PCDHGA5: variants seen among roughly 807,000 people sequenced by gnomAD.
PCDHGA5 encodes the protein protocadherin gamma-A5.
In PCDHGA5, 36 loss-of-function variants were observed where a neutral mutation model predicts 56.7. The ratio of observed to expected loss-of-function variants is 0.64; its 90% CI spans 0.49 to 0.84. The LOEUF (loss-of-function observed/expected upper bound fraction) is 0.84, where lower values mean the gene tolerates loss of function less well. Ranked by LOEUF, PCDHGA5 falls within the 40% of genes least tolerant of loss-of-function variation. The pLI is 0.00. For synonymous variants in PCDHGA5, 563 were observed against 520.2 expected (o/e 1.08, Z -1.12); for missense variants, 1,305 against 1,201.5 (o/e 1.09, Z -1.27).
chr5:141,390,025 G>T lies in PCDHGA5; in HGVS notation c.2421+23274G>T, dbSNP rs762363185. On this transcript the variant is annotated intron_variant, in intron 1 of 3. Coordinates refer to ENST00000518069, the MANE Select transcript of PCDHGA5 (RefSeq NM_018918.3). ...ATTCTGGCCATTGCCTTGCGCCTGC[G>T]ACGCTCCTCCAGCCCCGCCTCCTGG... The T allele has an allele frequency of 3.0e-5, 48 of 1,613,882 alleles. No individual in the cohort carries two copies. The East Asian group carries it at 1.1e-3, about 36-fold the overall frequency.
chr5:141,365,152 C>T lies in PCDHGA5; in HGVS notation c.822C>T (p.Asn274=), dbSNP rs747695499. Residue 274 remains asparagine, a synonymous_variant, in exon 1 of 4, where the codon AAC becomes AAT. Coordinates refer to ENST00000518069, the MANE Select transcript of PCDHGA5 (RefSeq NM_018918.3). ...CCACGGATCCAGATGAGGGAATAAA[C>T]GGGAAATTGACCTACTCTTTTCGCA... ...LTATDPDEGI[N]GKLTYSFRNE... 2 of 1,613,880 alleles carry T rather than the reference C, an allele frequency of 1.2e-6. No homozygotes were observed. The highest frequency in any genetic ancestry group is 1.7e-6 in the Non-Finnish European group (2 of 1,179,870).
chr5:141,366,198 C>G lies in PCDHGA5; in HGVS notation c.1868C>G (p.Thr623Arg), dbSNP rs187196267. The G allele has an allele frequency of 6.2e-7, 1 of 1,613,774 alleles. No homozygotes were observed. The highest frequency in any genetic ancestry group is 8.5e-7 in the Non-Finnish European group (1 of 1,180,052). The change falls in exon 1 of 4, where the codon ACG becomes AGG. Residue 623 changes from threonine (T) to arginine (R), a missense_variant. Transcript: ENST00000518069. ...GGACTCTTTGCGGTTGGGCTGCACACGGGCGAGGTGCGCACAGCGCGAGCC... is the reference window on the plus strand; with the variant it reads ...GGACTCTTTGCGGTTGGGCTGCACAGGGGCGAGGTGCGCACAGCGCGAGCC... Reference protein sequence around the residue: ...EPGLFAVGLHTGEVRTARALL... With the variant: ...EPGLFAVGLHRGEVRTARALL...
Position 141,364,519 on chromosome 5 carries a change from A to G in PCDHGA5, c.189A>G (p.Gly63=). The change falls in exon 1 of 4, where the codon GGA becomes GGG. Residue 63 remains glycine, a synonymous_variant. Coordinates refer to ENST00000518069, the MANE Select transcript of PCDHGA5 (RefSeq NM_018918.3). Reference sequence around the variant, plus strand: ...AGCCCCAGGAGCTGGCGGAGCGCGGAGTCCGCATCGTCTCCAGAGGTAGGA... The same window carrying G: ...AGCCCCAGGAGCTGGCGGAGCGCGGGGTCCGCATCGTCTCCAGAGGTAGGA... ...GLEPQELAER[G]VRIVSRGRTQ... 6.2e-7 allele frequency: 1 copy of G among 1,614,016 alleles called. No individual in the cohort carries two copies. Among genetic ancestry groups the G allele is most frequent in the Non-Finnish European group, 8.5e-7 (1 of 1,179,898 alleles).
chr5:141,447,078 G>A (rs531206989), intron 1 of PCDHGA5, among the ~76,000 whole-genome samples: 5 of 152,018 alleles, frequency 3.3e-5, no homozygotes, highest in Non-Finnish European at 7.4e-5. Context: ...TTTAATTTTT[G>A]TTGTTTAATT....
intron 1 of PCDHGA5, chr5:141,372,478 C>A: frequency 6.2e-7 from 1 of 1,614,070 alleles, no homozygotes. Context: ...CTAGTAGTGG[C>A]GTTGGCCTTG....
intron 1 of PCDHGA5, chr5:141,419,383 C>A (rs1354675466): frequency 6.2e-7 from 1 of 1,613,698 alleles, no homozygotes; most frequent in South Asian, 1.1e-5. Context: ...TGTCCGTGAG[C>A]GCGCAGAGCG....
At chr5:141,408,936 A>T in intron 1 of PCDHGA5, 4 of 1,613,548 alleles carry the variant, frequency 2.5e-6, no homozygotes, top group Non-Finnish European at 1.7e-6. Flanking sequence ...TTCAGCAGAG[A>T]CGAATATAGA....
At chr5:141,433,869 T>C (rs1293077938) in intron 1 of PCDHGA5, among the ~76,000 whole-genome samples, 8 of 151,960 alleles carry the variant, frequency 5.3e-5, no homozygotes, top group Non-Finnish European at 7.4e-5. Flanking sequence ...TATCCTCTAG[T>C]TTCATCCATT....
chr5:141,364,279 G>A lies in PCDHGA5; in HGVS notation c.-52G>A. On this transcript the variant is annotated 5_prime_UTR_variant, in exon 1 of 4. Coordinates refer to ENST00000518069, the MANE Select transcript of PCDHGA5 (RefSeq NM_018918.3). ...GTACCCATCGGCTTTAGATAAATAA[G>A]GAAACAGCAGGCTGAACCAGAACTA... The A allele has an allele frequency of 1.3e-6, 2 of 1,515,964 alleles. No individual in the cohort carries two copies. Among genetic ancestry groups the A allele is most frequent in the Non-Finnish European group, 1.8e-6 (2 of 1,134,524 alleles). 93.9% of individuals were successfully genotyped at this position (1,515,964 alleles called of 1,614,324 possible). A position where few individuals can be genotyped will look rare whatever the true frequency, so the allele number is the denominator to read the frequency against.
intron 1 of PCDHGA5, chr5:141,419,148 C>A: frequency 6.2e-7 from 1 of 1,613,940 alleles, no homozygotes; most frequent in Admixed American, 1.7e-5. Flanking sequence ...AGGGGCAAGC[C>A]TCCGTTATCC....
rs1280525764 is a variant in PCDHGA5 at position 141,367,851 on chromosome 5, GT to G, written c.2421+1103del. Reference sequence around the variant, plus strand: ...AATCAATACCTACTGCAATGTTAGCGTTTCTTTAAGTGTAGGTGCAATTCTT... The same window carrying G: ...AATCAATACCTACTGCAATGTTAGCGTTCTTTAAGTGTAGGTGCAATTCTT... On this transcript the variant is annotated intron_variant, in intron 1 of 3. Transcript: ENST00000518069. 2.6e-5 allele frequency: 4 copies of G among 151,844 alleles called. No homozygotes were observed. The East Asian group carries it at 5.8e-4, about 22-fold the overall frequency. The allele number at this position is 151,844 out of a possible 1,614,324, so 9.4% of individuals were successfully genotyped here.
At chr5:141,395,110 G>A (rs2150602560) in intron 1 of PCDHGA5, 1 of 1,614,214 alleles carries the variant, frequency 6.2e-7, no homozygotes, top group Admixed American at 1.7e-5. Context: ...TCGCGGAAGA[G>A]TCACCTGATC....
intron 1 of PCDHGA5, chr5:141,372,038 G>C: frequency 1.2e-6 from 2 of 1,613,506 alleles, no homozygotes; most frequent in South Asian, 1.1e-5. Context: ...ACGTGAGCCT[G>C]CGCGTGTTGG....
chr5:141,372,406 T>C, intron 1 of PCDHGA5: 7 of 1,614,058 alleles, frequency 4.3e-6, no homozygotes, highest in Non-Finnish European at 5.9e-6. Flanking sequence ...TTGCAAGAGA[T>C]ACAACCTGAC....
rs753562113 is a variant in PCDHGA5 at position 141,364,541 on chromosome 5, A to T, written c.211A>T (p.Arg71Trp). 1.9e-6 allele frequency: 3 copies of T among 1,614,130 alleles called. No homozygotes were observed. Among genetic ancestry groups the T allele is most frequent in the Middle Eastern group, 1.7e-4 (1 of 6,060 alleles). Residue 71 changes from arginine (R) to tryptophan (W), a missense_variant, in exon 1 of 4, where the codon AGG (arginine) becomes TGG (tryptophan). Arg to Trp is a moderately radical substitution (Grantham distance 101). Transcript: ENST00000518069. ...CGGAGTCCGCATCGTCTCCAGAGGT[A>T]GGACGCAGCTTTTTGCCCTGAACCC... ...ERGVRIVSRGRTQLFALNPRS... is the reference protein window; with the variant it reads ...ERGVRIVSRGWTQLFALNPRS...
intron 1 of PCDHGA5, among the ~76,000 whole-genome samples, chr5:141,368,478 A>G (rs1328792459): frequency 2.0e-5 from 3 of 152,318 alleles, no homozygotes; most frequent in Middle Eastern, 3.4e-3. Flanking sequence ...CCAAAGAGTA[A>G]CAAGAGAATC....
chr5:141,384,255 C>A (rs1434476229), intron 1 of PCDHGA5: 1 of 1,613,746 alleles, frequency 6.2e-7, no homozygotes, highest in African/African-American at 1.3e-5. Flanking sequence ...CACCCACCTT[C>A]CCCCACTCAT....
chr5:141,426,711 G>C, intron 1 of PCDHGA5: 1 of 444,496 alleles, frequency 2.2e-6, no homozygotes, highest in Non-Finnish European at 4.6e-6. Flanking sequence ...ACAAATCAAT[G>C]AACTAGCAAT....
chr5:141,509,575 T>C (rs186302231), intron 3 of PCDHGA5, among the ~76,000 whole-genome samples: 153 of 152,320 alleles, frequency 1.0e-3, no homozygotes, highest in African/African-American at 3.7e-3. Flanking sequence ...TCACAGTGCG[T>C]ACAAATCAGC....
Sources: gnomAD v4.1 joint callset for allele counts (sites outside exome capture counted in the v4.1 genomes callset) on GRCh38, gnomAD v4.1.1 for gene constraint, MANE v1.5 for transcripts, NCBI Gene and HGNC (gene_info 2026-07-23, HGNC 2026-07-21) for gene names.